Variants in ENPP6 observed in about 807,000 individuals in gnomAD.
ENPP6 encodes the protein ectonucleotide pyrophosphatase/phosphodiesterase 6.
A neutral mutation model predicts 42.0 loss-of-function variants in ENPP6; 32 were observed. The observed-to-expected ratio is 0.76, with a 90% confidence interval of 0.58 to 1.02. The LOEUF (loss-of-function observed/expected upper bound fraction) is 1.02, where lower values mean the gene tolerates loss of function less well. Among genes scored for constraint, ENPP6 ranks in the 50% least tolerant of loss-of-function variants. ENPP6 has a pLI of 0.00. For missense variants in ENPP6, 552 were observed against 566.8 expected (o/e 0.97, Z 0.27); for synonymous variants, 213 against 216.0 (o/e 0.99, Z 0.12).
At chr4:184,147,031 C>T (rs1433996138) in intron 2 of ENPP6, among the ~76,000 whole-genome samples, 2 of 152,190 alleles carry the variant, frequency 1.3e-5, no homozygotes, top group African/African-American at 4.8e-5. Context: ...CAGCCCTCTT[C>T]TCTGAGCTTC....
intron 2 of ENPP6, among the ~76,000 whole-genome samples, chr4:184,134,233 C>A (rs1736692233): frequency 6.6e-6 from 1 of 151,968 alleles, no homozygotes; most frequent in African/African-American, 2.4e-5. Flanking sequence ...CTTGCCTCAG[C>A]CTCCCAAGTA....
chr4:184,141,949 T>A (rs1736831008), intron 2 of ENPP6, among the ~76,000 whole-genome samples: 1 of 152,204 alleles, frequency 6.6e-6, no homozygotes, highest in Non-Finnish European at 1.5e-5. Context: ...CCCATAGATG[T>A]GGCATCCTGT....
At chr4:184,212,558 A>C (rs990598401) in intron 1 of ENPP6, among the ~76,000 whole-genome samples, 4 of 151,106 alleles carry the variant, frequency 2.6e-5, no homozygotes, top group African/African-American at 9.9e-5. Flanking sequence ...CTTCAAGGAG[A>C]ACTACAAACC....
At chr4:184,111,850 A>G (rs933332914) in intron 6 of ENPP6, among the ~76,000 whole-genome samples, 4 of 152,118 alleles carry the variant, frequency 2.6e-5, no homozygotes, top group Non-Finnish European at 5.9e-5. Context: ...GCCTGTCCTC[A>G]TGCCCCGGGG....
chr4:184,171,201 A>G (rs1225441129), intron 1 of ENPP6, among the ~76,000 whole-genome samples: 5 of 152,228 alleles, frequency 3.3e-5, no homozygotes, highest in South Asian at 2.1e-4. Context: ...GGCTGGAAGG[A>G]TCTGCAGGCA....
chr4:184,120,922 A>G (rs980488162), intron 3 of ENPP6, among the ~76,000 whole-genome samples: 3 of 152,214 alleles, frequency 2.0e-5, no homozygotes, highest in Non-Finnish European at 1.5e-5. Flanking sequence ...AGTGGTTCTC[A>G]GGCACCGTGT....
At chr4:184,124,385 G>A (rs924090364) in intron 2 of ENPP6, 113 bp from the exon 3 acceptor site, 1 of 735,316 alleles carries the variant, frequency 1.4e-6, no homozygotes, top group African/African-American at 1.8e-5. Flanking sequence ...AAAATGTTGA[G>A]TATTTTTATG....
intron 1 of ENPP6, among the ~76,000 whole-genome samples, chr4:184,154,516 A>C (rs1737120313): frequency 6.6e-6 from 1 of 152,250 alleles, no homozygotes; most frequent in African/African-American, 2.4e-5. Context: ...CCAGGACGAA[A>C]CATGCTTCAC....
intron 1 of ENPP6, among the ~76,000 whole-genome samples, chr4:184,190,566 A>G (rs1732700177): frequency 6.6e-6 from 1 of 152,218 alleles, no homozygotes; most frequent in Non-Finnish European, 1.5e-5. Context: ...CTAAAAAGGA[A>G]AGCTGGCTAA....
chr4:184,104,399 G>A (rs1736053580), intron 6 of ENPP6, among the ~76,000 whole-genome samples: 1 of 152,200 alleles, frequency 6.6e-6, no homozygotes, highest in Admixed American at 6.5e-5. Context: ...TTTCTCTCAA[G>A]TCAGGCAGGG....
chr4:184,111,364 G>A (rs889287246), intron 6 of ENPP6, among the ~76,000 whole-genome samples: 1 of 152,222 alleles, frequency 6.6e-6, no homozygotes, highest in African/African-American at 2.4e-5. Flanking sequence ...GTGTGATCTG[G>A]AAGGCTGGCG....
chr4:184,121,983 A>T (rs185040194), intron 3 of ENPP6, among the ~76,000 whole-genome samples: 1 of 152,352 alleles, frequency 6.6e-6, no homozygotes, highest in Admixed American at 6.5e-5. Context: ...ACTGTCTTCC[A>T]CAGGCAGTAT....
At chr4:184,109,349 C>T (rs546781100) in intron 6 of ENPP6, among the ~76,000 whole-genome samples, 1 of 152,326 alleles carries the variant, frequency 6.6e-6, no homozygotes, top group South Asian at 2.1e-4. Flanking sequence ...TATTATTATG[C>T]AGTAGTTGTC....
chr4:184,208,552 C>G (rs1385768836), intron 1 of ENPP6, among the ~76,000 whole-genome samples: 1 of 152,030 alleles, frequency 6.6e-6, no homozygotes, highest in Non-Finnish European at 1.5e-5. Context: ...AACGGCGGAC[C>G]ACGAGATTAT....
rs932880045 is a variant in ENPP6, at chr4:184,198,269, C to G, written c.241+19310G>C. On this transcript the variant is annotated intron_variant, in intron 1 of 7. Transcript: ENST00000296741. Reference sequence around the variant, plus strand: ...CCAGTGCAGTCCAACAAACACAAATCAATGTCTTCTCTGAGTAAGCACTGG... The same window carrying G: ...CCAGTGCAGTCCAACAAACACAAATGAATGTCTTCTCTGAGTAAGCACTGG... 3.9e-5 allele frequency among the ~76,000 whole-genome samples: 6 copies of G among 152,252 alleles called. No individual in the cohort carries two copies. The East Asian group carries it at 1.2e-3, about 29-fold the overall frequency.
intron 5 of ENPP6, among the ~76,000 whole-genome samples, chr4:184,114,950 G>T (rs752524248): frequency 6.6e-6 from 1 of 152,174 alleles, no homozygotes; most frequent in Non-Finnish European, 1.5e-5. Context: ...TGGGGATGGA[G>T]CAAGGCTGGG....
chr4:184,213,787 A>G (rs1328168371), intron 1 of ENPP6, among the ~76,000 whole-genome samples: 1 of 148,298 alleles, frequency 6.7e-6, no homozygotes, highest in Non-Finnish European at 1.5e-5. Context: ...AAACACATGC[A>G]CACGTATGTT....
intron 7 of ENPP6, 34 bp downstream of exon 7, chr4:184,097,211 G>C (rs765571403): frequency 3.1e-6 from 5 of 1,613,222 alleles, no homozygotes; most frequent in Non-Finnish European, 4.2e-6. Flanking sequence ...CTTGGGAATG[G>C]GGTCTGAGAG....
intron 1 of ENPP6, among the ~76,000 whole-genome samples, chr4:184,181,756 G>C (rs1053124388): frequency 6.6e-6 from 1 of 152,158 alleles, no homozygotes; most frequent in Non-Finnish European, 1.5e-5. Context: ...ACAAGCAATG[G>C]GGAAAGGATT....
Sources: gnomAD v4.1 joint callset for allele counts (sites outside exome capture counted in the v4.1 genomes callset) on GRCh38, gnomAD v4.1.1 for gene constraint, MANE v1.5 for transcripts, NCBI Gene and HGNC (gene_info 2026-07-23, HGNC 2026-07-21) for gene names.